HTR2C: variants seen among roughly 807,000 people sequenced by gnomAD.
The protein encoded by HTR2C is 5-hydroxytryptamine (serotonin) receptor 2C, G protein-coupled.
In HTR2C, 5 loss-of-function variants were observed where a neutral mutation model predicts 21.0. The observed-to-expected ratio is 0.24, with a 90% CI of 0.12 to 0.50. HTR2C has a LOEUF of 0.50. Ranked by LOEUF, HTR2C falls within the 20% of genes least tolerant of loss-of-function variation. The probability of loss-of-function intolerance (pLI) is 0.98; values close to 1 mark genes in which losing one functional copy is unlikely to be tolerated. For synonymous variants in HTR2C, 150 were observed against 145.3 expected, an observed-to-expected ratio of 1.03 and a Z score of -0.23; for missense variants, 271 against 371.2, an observed-to-expected ratio of 0.73 and a Z score of 2.22.
intron 2 of HTR2C, among the ~76,000 whole-genome samples, chrX:114,614,479 C>T (rs1055659681): frequency 1.1e-4 from 12 of 110,334 alleles, no homozygotes; most frequent in African/African-American, 3.3e-4. Context: ...AAGCTGGTCT[C>T]GAACTCCTGA....
intron 2 of HTR2C, among the ~76,000 whole-genome samples, chrX:114,666,111 A>G (rs1931166569): frequency 8.9e-6 from 1 of 112,020 alleles, no homozygotes; most frequent in South Asian, 3.7e-4. Flanking sequence ...CCTGTTTATG[A>G]AAAGATGTGC....
chrX:114,611,568 T>C (rs1208485865), intron 1 of HTR2C, among the ~76,000 whole-genome samples: 7 of 112,678 alleles, frequency 6.2e-5, no homozygotes, highest in Admixed American at 1.9e-4. Flanking sequence ...GTTAATGTGA[T>C]CATGTGTTCT....
At chrX:114,878,195 T>C (rs1339649616) in intron 5 of HTR2C, among the ~76,000 whole-genome samples, 1 of 110,888 alleles carries the variant, frequency 9.0e-6, no homozygotes, top group Non-Finnish European at 1.9e-5. Context: ...ATTAACCCTT[T>C]ATCATTTTAT....
intron 2 of HTR2C, chrX:114,717,628 C>T (rs202148459): frequency 1.2e-4 from 13 of 111,629 alleles, no homozygotes; most frequent in South Asian, 3.7e-4. Context: ...GAGCAGAAAA[C>T]GTGATTGAAA....
intron 2 of HTR2C, among the ~76,000 whole-genome samples, chrX:114,635,810 C>T (rs1307160581): frequency 2.7e-5 from 3 of 111,823 alleles, no homozygotes; most frequent in African/African-American, 9.7e-5. Context: ...ATATTTCTTG[C>T]AGGTAAATGT....
chrX:114,594,293 G>A (rs1336457390), intron 1 of HTR2C, among the ~76,000 whole-genome samples: 2 of 111,121 alleles, frequency 1.8e-5, no homozygotes, highest in Non-Finnish European at 3.8e-5. Context: ...AAAATAATTA[G>A]CATTGTTTTT....
intron 1 of HTR2C, among the ~76,000 whole-genome samples, chrX:114,601,515 G>T (rs1447334747): frequency 2.8e-5 from 3 of 108,239 alleles, no homozygotes; most frequent in African/African-American, 6.8e-5. Flanking sequence ...GCCAGGATGA[G>T]CCAGGAAAAG....
chrX:114,706,507 A>G (rs1228964087), intron 2 of HTR2C, among the ~76,000 whole-genome samples: 1 of 95,733 alleles, frequency 1.0e-5, no homozygotes, highest in Non-Finnish European at 2.1e-5. Context: ...GAATTGAACA[A>G]TGAGAACACA....
intron 2 of HTR2C, among the ~76,000 whole-genome samples, chrX:114,634,675 G>T (rs1602651903): frequency 9.0e-6 from 1 of 110,700 alleles, no homozygotes; most frequent in South Asian, 3.9e-4. Context: ...GAAGGGCACG[G>T]TGGCACATGC....
chrX:114,850,977 G>T (rs2070912640), intron 5 of HTR2C, among the ~76,000 whole-genome samples: 1 of 111,233 alleles, frequency 9.0e-6, no homozygotes, highest in Admixed American at 9.6e-5. Flanking sequence ...AGACTTTTCG[G>T]CAAAAAACAA....
At chrX:114,593,833 T>C (rs1927728656) in intron 1 of HTR2C, among the ~76,000 whole-genome samples, 1 of 111,806 alleles carries the variant, frequency 8.9e-6, no homozygotes, top group East Asian at 2.8e-4. Flanking sequence ...GAAAATCCAC[T>C]TCAAATAATA....
chrX:114,655,913 A>G (rs1298714167), intron 2 of HTR2C, among the ~76,000 whole-genome samples: 1 of 111,504 alleles, frequency 9.0e-6, no homozygotes, highest in Non-Finnish European at 1.9e-5. Flanking sequence ...CATTTCAAAT[A>G]TGCATTTAAT....
chrX:114,623,704 G>A lies in HTR2C; in HGVS notation c.-80+9823G>A, dbSNP rs1316831513. Among the ~76,000 whole-genome samples the A allele has an allele frequency of 9.0e-5, 10 of 110,632 alleles. No homozygotes were observed. The East Asian group carries it at 2.6e-3, about 28-fold the overall frequency. On this transcript the variant is annotated intron_variant, in intron 2 of 5. Transcript: ENST00000276198. ...AGAGAGTTTATGGCTGAAATATTCA[G>A]CATACACATCAAAGTTTCTTAGTTT... is the stretch of plus-strand genomic sequence containing the variant.
chrX:114,626,909 G>T (rs1021919208), intron 2 of HTR2C, among the ~76,000 whole-genome samples: 1 of 111,967 alleles, frequency 8.9e-6, no homozygotes, highest in Non-Finnish European at 1.9e-5. Flanking sequence ...TAAGTGGAAG[G>T]TCAGAGGCAA....
chrX:114,733,006 T>C (rs782641123), intron 4 of HTR2C, among the ~76,000 whole-genome samples: 1 of 112,065 alleles, frequency 8.9e-6, no homozygotes, highest in Non-Finnish European at 1.9e-5. Flanking sequence ...CATTGAACTA[T>C]CTATTAGACT....
At chrX:114,616,911 A>T (rs1429354338) in intron 2 of HTR2C, among the ~76,000 whole-genome samples, 1 of 112,498 alleles carries the variant, frequency 8.9e-6, no homozygotes, top group Non-Finnish European at 1.9e-5. Flanking sequence ...TGTAATGAGG[A>T]AATAGTATGC....
At chrX:114,851,084 C>G (rs1556469117) in intron 5 of HTR2C, among the ~76,000 whole-genome samples, 2 of 111,688 alleles carry the variant, frequency 1.8e-5, no homozygotes, top group Admixed American at 9.5e-5. Context: ...TATGTAGATA[C>G]ATATGTAATA....
At chrX:114,692,632 C>A (rs1556415257) in intron 2 of HTR2C, among the ~76,000 whole-genome samples, 1 of 110,453 alleles carries the variant, frequency 9.1e-6, no homozygotes, top group Non-Finnish European at 1.9e-5. Context: ...TTTGAATATA[C>A]TATAAACTTT....
At chrX:114,644,362 AAT>A (rs782451317) in intron 2 of HTR2C, among the ~76,000 whole-genome samples, 405 of 38,161 alleles carry the variant, frequency 0.011, no homozygotes, top group East Asian at 0.015. Flanking sequence ...TAAATAAATA[AAT>A]ATATATATAT....
Sources: gnomAD v4.1 joint callset for allele counts (sites outside exome capture counted in the v4.1 genomes callset) on GRCh38, gnomAD v4.1.1 for gene constraint, MANE v1.5 for transcripts, NCBI Gene and HGNC (gene_info 2026-07-23, HGNC 2026-07-21) for gene names.